ADGRD1: variants seen among roughly 807,000 people sequenced by gnomAD.
ADGRD1 encodes the protein adhesion G protein-coupled receptor D1.
ADGRD1 carries 77 observed loss-of-function variants against 113.4 expected under a neutral mutation model. The observed-to-expected ratio is 0.68, with a 90% CI of 0.57 to 0.82. The LOEUF is 0.82. ADGRD1 is among the 40% of genes least tolerant of loss of function. The probability of loss-of-function intolerance (pLI) is 0.00; values close to 1 mark genes in which losing one functional copy is unlikely to be tolerated. For missense variants in ADGRD1, 1,036 were observed against 1,139.1 expected, an observed-to-expected ratio of 0.91 and a Z score of 1.30; for synonymous variants, 474 against 475.0, an observed-to-expected ratio of 1.00 and a Z score of 0.03.
chr12:130,973,869 C>T (rs1490850123), intron 4 of ADGRD1, among the ~76,000 whole-genome samples: 2 of 152,144 alleles, frequency 1.3e-5, no homozygotes, highest in Admixed American at 1.3e-4. Flanking sequence ...AGGATGATTG[C>T]ATGAGCCCAG....
rs553925917 is a variant in ADGRD1, at chr12:131,130,346, A to G, written c.2176-1379A>G. Among the ~76,000 whole-genome samples the G allele has an allele frequency of 3.3e-5, 5 of 152,326 alleles. 1 individual carries two copies. In the South Asian group the frequency reaches 1.0e-3, roughly 32 times the overall value. ...CTTCCAGGTGTTGAGGTGGTCAGTGAAGACAGGAGCCGAGGAGGGAACAGT... is the reference window on the plus strand; with the variant it reads ...CTTCCAGGTGTTGAGGTGGTCAGTGGAGACAGGAGCCGAGGAGGGAACAGT... On this transcript the variant is annotated intron_variant, in intron 20 of 24. Coordinates refer to ENST00000261654, the MANE Select transcript of ADGRD1 (RefSeq NM_198827.5).
intron 8 of ADGRD1, among the ~76,000 whole-genome samples, chr12:130,998,731 C>T (rs1365332142): frequency 2.0e-5 from 3 of 152,186 alleles, no homozygotes; most frequent in Non-Finnish European, 2.9e-5. Context: ...TCCCAAAGTG[C>T]TGGGATGACA....
rs868036918 is a variant in ADGRD1, at chr12:131,070,689, G to A, written c.1474-6112G>A. ...AGGTGGGAGGAAAGCTGGTTGCCAC[G>A]GAGATGAGGGCGTGTCCATCACTGC... On this transcript the variant is annotated intron_variant, in intron 13 of 24. Transcript: ENST00000261654. 1.6e-4 allele frequency: 62 copies of A among 399,926 alleles called. No homozygotes were observed. The Middle Eastern group carries it at 3.2e-3, about 21-fold the overall frequency. The allele number at this position is 399,926 out of a possible 1,614,324, so 24.8% of individuals were successfully genotyped here.
chr12:131,063,042 G>A (rs939932333), intron 13 of ADGRD1, among the ~76,000 whole-genome samples: 9 of 152,188 alleles, frequency 5.9e-5, no homozygotes, highest in African/African-American at 2.2e-4. Flanking sequence ...TCAATAAAAT[G>A]TCTCTTAGTA....
intron 8 of ADGRD1, among the ~76,000 whole-genome samples, chr12:130,996,009 T>C (rs1268435569): frequency 2.0e-5 from 3 of 152,044 alleles, no homozygotes; most frequent in Admixed American, 2.0e-4. Context: ...CAAGCATCTG[T>C]TTAACAAAGC....
chr12:131,121,629 C>T (rs1356098364), intron 20 of ADGRD1, among the ~76,000 whole-genome samples: 1 of 152,218 alleles, frequency 6.6e-6, no homozygotes, highest in Non-Finnish European at 1.5e-5. Context: ...ATCTGCCCTC[C>T]TCTGTCTCCC....
chr12:131,132,611 C>T (rs1593272485), intron 21 of ADGRD1, among the ~76,000 whole-genome samples: 1 of 152,328 alleles, frequency 6.6e-6, no homozygotes, highest in East Asian at 1.9e-4. Flanking sequence ...ATGGCTGCGG[C>T]AGGGGTTCAG....
intron 13 of ADGRD1, among the ~76,000 whole-genome samples, chr12:131,063,696 T>C (rs1179246715): frequency 1.3e-5 from 2 of 152,326 alleles, no homozygotes; most frequent in Non-Finnish European, 1.5e-5. Flanking sequence ...TGAAATCAGG[T>C]AGAGTGAAAT....
chr12:131,099,324 C>G (rs962518392), intron 15 of ADGRD1, among the ~76,000 whole-genome samples: 1 of 152,204 alleles, frequency 6.6e-6, no homozygotes, highest in Non-Finnish European at 1.5e-5. Flanking sequence ...TTCCAGTTTC[C>G]TAAGGCTGTG....
At chr12:131,091,499 G>T (rs543565397) in intron 15 of ADGRD1, among the ~76,000 whole-genome samples, 1 of 152,202 alleles carries the variant, frequency 6.6e-6, no homozygotes, top group Admixed American at 6.5e-5. Flanking sequence ...ATGCCAGTGC[G>T]TTTGCAGGGA....
chr12:131,019,816 C>T (rs1879080569), intron 13 of ADGRD1, among the ~76,000 whole-genome samples: 1 of 149,638 alleles, frequency 6.7e-6, no homozygotes. Context: ...GCAGGGGGTG[C>T]TCCAGGGAGA....
chr12:131,089,690 T>G (rs906252853), intron 15 of ADGRD1, among the ~76,000 whole-genome samples: 3 of 152,212 alleles, frequency 2.0e-5, no homozygotes, highest in Non-Finnish European at 4.4e-5. Flanking sequence ...TGCCTGTGGA[T>G]GCTCCCTGCC....
intron 4 of ADGRD1, among the ~76,000 whole-genome samples, chr12:130,975,487 G>C (rs1417513473): frequency 3.3e-5 from 5 of 152,152 alleles, no homozygotes; most frequent in Admixed American, 2.6e-4. Context: ...ACGACTCCTA[G>C]AGAAATCATT....
chr12:131,039,025 G>T (rs1881835832), intron 13 of ADGRD1, among the ~76,000 whole-genome samples: 1 of 152,244 alleles, frequency 6.6e-6, no homozygotes, highest in African/African-American at 2.4e-5. Context: ...TCCAGGCCAA[G>T]CTCAGAGGGA....
At chr12:131,036,677 A>G (rs893906176) in intron 13 of ADGRD1, among the ~76,000 whole-genome samples, 10,672 of 60,214 alleles carry the variant, frequency 0.18, 718 homozygotes, top group Admixed American at 0.24. Flanking sequence ...CTCACTCAGT[A>G]CACCGGGCCT....
intron 8 of ADGRD1, among the ~76,000 whole-genome samples, chr12:130,994,542 G>A (rs1874965485): frequency 6.6e-6 from 1 of 152,216 alleles, no homozygotes; most frequent in Non-Finnish European, 1.5e-5. Flanking sequence ...GTACCCTGCA[G>A]CATCCTCAGG....
At chr12:131,138,462 T>C (rs1951159932) in intron 24 of ADGRD1, among the ~76,000 whole-genome samples, 1 of 152,132 alleles carries the variant, frequency 6.6e-6, no homozygotes, top group South Asian at 2.1e-4. Context: ...AGTCAGGGCT[T>C]CTTGTGTTCA....
rs1876525134 is a variant in ADGRD1 at position 131,002,598 on chromosome 12, G to A, written c.1027-587G>A. On this transcript the variant is annotated intron_variant, in intron 9 of 24. Coordinates refer to ENST00000261654, the MANE Select transcript of ADGRD1 (RefSeq NM_198827.5). Reference sequence around the variant, plus strand: ...CCTGGTGATGTGTGTCTGAGGATGAGGGCCCCCTGCTTTCTTGGGGGCAGT... The same window carrying A: ...CCTGGTGATGTGTGTCTGAGGATGAAGGCCCCCTGCTTTCTTGGGGGCAGT... The A allele has an allele frequency of 7.6e-6, 8 of 1,059,352 alleles. No homozygotes were observed. In the South Asian group the frequency reaches 1.3e-4, roughly 17 times the overall value. The allele number at this position is 1,059,352 out of a possible 1,614,324, so 65.6% of individuals were successfully genotyped here.
rs761421663 is a variant in ADGRD1, at chr12:130,954,607, T to C, written c.67-17T>C. On this transcript the variant is annotated splice_polypyrimidine_tract_variant and intron_variant, in intron 1 of 24. Transcript: ENST00000261654. This position sits in a 1 kb window ranked among gnomAD's most constrained non-coding sequence, Gnocchi z 4.7. ...CTTTCCCTGAGTGTGTCTCACACTG[T>C]GGTCTTTTGTGCGCAGGTGCGTGGC... is the stretch of plus-strand genomic sequence containing the variant. 2 of 1,613,886 alleles carry C rather than the reference T, an allele frequency of 1.2e-6. No homozygotes were observed. Among genetic ancestry groups the C allele is most frequent in the Non-Finnish European group, 1.7e-6 (2 of 1,179,816 alleles).
Sources: gnomAD v4.1 joint callset for allele counts (sites outside exome capture counted in the v4.1 genomes callset) on GRCh38, gnomAD v4.1.1 for gene constraint, Gnocchi (gnomAD v3.1) non-coding constraint, MANE v1.5 for transcripts, NCBI Gene and HGNC (gene_info 2026-07-23, HGNC 2026-07-21) for gene names.